The following PPP2R5C variants were observed in gnomAD, a reference collection of about 807,000 sequenced individuals.
PPP2R5C encodes the protein protein phosphatase 2 regulatory subunit B'gamma.
A neutral mutation model predicts 68.9 loss-of-function variants in PPP2R5C; 7 were observed. The observed-to-expected ratio is 0.10, with a 90% confidence interval of 0.06 to 0.19. The LOEUF is 0.19. Ranked by LOEUF, PPP2R5C falls within the 10% of genes least tolerant of loss-of-function variation. The pLI is 1.00. For synonymous variants in PPP2R5C, 210 were observed against 222.2 expected (o/e 0.95, Z 0.49); for missense variants, 348 against 641.3 (o/e 0.54, Z 4.94).
chr14:101,860,026 A>T (rs1042243769), intron 2 of PPP2R5C, among the ~76,000 whole-genome samples: 11 of 151,894 alleles, frequency 7.2e-5, no homozygotes, highest in African/African-American at 2.7e-4. Flanking sequence ...TTTTAAACAG[A>T]TCTACTGAGG....
At chr14:101,810,095 A>G (rs147838675) in intron 1 of PPP2R5C, 4 of 1,454,984 alleles carry the variant, frequency 2.7e-6, no homozygotes, top group African/African-American at 2.8e-5. Context: ...ATAAATGGCT[A>G]TTGTGCTTCA....
intron 8 of PPP2R5C, among the ~76,000 whole-genome samples, chr14:101,901,437 A>T (rs1412624408): frequency 1.3e-5 from 2 of 152,240 alleles, no homozygotes; most frequent in Admixed American, 1.3e-4. Flanking sequence ...AAAGAGGAGG[A>T]TCACTTGAGC....
intron 1 of PPP2R5C, among the ~76,000 whole-genome samples, chr14:101,812,769 A>G (rs2039441858): frequency 6.6e-6 from 1 of 152,228 alleles, no homozygotes; most frequent in African/African-American, 2.4e-5. Context: ...TGTGGATATG[A>G]GCAGGGGCTA....
chr14:101,830,929 C>T (rs890986076), intron 1 of PPP2R5C, among the ~76,000 whole-genome samples: 3 of 152,174 alleles, frequency 2.0e-5, no homozygotes, highest in African/African-American at 7.2e-5. Flanking sequence ...AGTAAGTTAC[C>T]GTCACGGCAG....
At chr14:101,813,495 GTC>G (rs2039485187) in intron 1 of PPP2R5C, among the ~76,000 whole-genome samples, 1 of 152,250 alleles carries the variant, frequency 6.6e-6, no homozygotes, top group Non-Finnish European at 1.5e-5. Context: ...CAGGCCTTCA[GTC>G]TAGTGCCTCC....
exon 14 of PPP2R5C, chr14:101,925,420 CG>C: frequency 7.5e-7 from 1 of 1,338,230 alleles, no homozygotes; most frequent in Non-Finnish European, 9.8e-7. Context: ...CGCCTCAGCG[CG>C]AGATTAGGAG....
chr14:101,913,204 A>G lies in PPP2R5C; in HGVS notation c.1326+731A>G, dbSNP rs1433853037. Among the ~76,000 whole-genome samples, 1 of 152,240 alleles carries G rather than the reference A, an allele frequency of 6.6e-6. No individual in the cohort carries two copies. Among genetic ancestry groups the G allele is most frequent in the East Asian group, 1.9e-4 (1 of 5,206 alleles). ...TATAACAGTGCCTCTTAAAAAGAAA[A>G]TCTTTTTCAGAAAATCTTTTGTCTG... On this transcript the variant is annotated intron_variant, in intron 12 of 13. Coordinates refer to ENST00000334743, the Ensembl canonical transcript of PPP2R5C. The surrounding 1 kb of genome is among the most constrained non-coding windows in gnomAD (Gnocchi z 4.1).
chr14:101,841,213 C>G (rs2041448687), intron 1 of PPP2R5C, among the ~76,000 whole-genome samples: 1 of 152,152 alleles, frequency 6.6e-6, no homozygotes, highest in Admixed American at 6.5e-5. Flanking sequence ...GGCTTTCTGC[C>G]TGAGTTCTTA....
Position 101,912,674 on chromosome 14 carries a change from G to T in PPP2R5C, c.1326+201G>T, listed in dbSNP as rs75669073. ...TTTTGCCCCATATCGTTTTACCACA[G>T]AATTGACTTTTTTCCTCTGCTTTTT... On this transcript the variant is annotated intron_variant, in intron 12 of 13. Transcript: ENST00000334743. The T allele has an allele frequency of 2.5e-3, 2,934 of 1,167,786 alleles. 3 individuals carry two copies. Among genetic ancestry groups the T allele is most frequent in the Admixed American group, 3.8e-3 (91 of 24,176 alleles). 72.3% of individuals were successfully genotyped at this position (1,167,786 alleles called of 1,614,324 possible). A position where few individuals can be genotyped will look rare whatever the true frequency, so the allele number is the denominator to read the frequency against.
At chr14:101,902,442 T>C (rs2045743468) in intron 9 of PPP2R5C, among the ~76,000 whole-genome samples, 1 of 152,232 alleles carries the variant, frequency 6.6e-6, no homozygotes, top group Non-Finnish European at 1.5e-5. Flanking sequence ...TCACCTCTTT[T>C]GAAGGCCACC....
intron 1 of PPP2R5C, among the ~76,000 whole-genome samples, chr14:101,854,545 A>G (rs1312757985): frequency 6.6e-6 from 1 of 152,208 alleles, no homozygotes; most frequent in Non-Finnish European, 1.5e-5. Flanking sequence ...AGAAACCTCA[A>G]CAGGAAGTTG....
chr14:101,859,120 A>G (rs2042608966), intron 2 of PPP2R5C, among the ~76,000 whole-genome samples: 2 of 152,302 alleles, frequency 1.3e-5, no homozygotes, highest in Admixed American at 6.5e-5. Flanking sequence ...AGCATCCATC[A>G]TGGGCCAGGC....
chr14:101,823,576 G>A (rs1566873095), intron 1 of PPP2R5C: 1 of 193,330 alleles, frequency 5.2e-6, no homozygotes, highest in African/African-American at 2.4e-5. Context: ...TCGCAAAAGG[G>A]TTCATTAACC....
chr14:101,802,665 G>A (rs1172573304), intron 3 of PPP2R5C, among the ~76,000 whole-genome samples: 1 of 151,968 alleles, frequency 6.6e-6, no homozygotes, highest in Non-Finnish European at 1.5e-5. Context: ...GCATTAAAGG[G>A]CCCAGTCAAC....
chr14:101,820,075 A>G (rs1181268035), intron 1 of PPP2R5C: 2 of 152,334 alleles, frequency 1.3e-5, no homozygotes, highest in East Asian at 3.9e-4. Flanking sequence ...AAATTATGAG[A>G]ATAGTAATGT....
intron 2 of PPP2R5C, among the ~76,000 whole-genome samples, chr14:101,870,534 A>G (rs935980113): frequency 2.6e-5 from 4 of 152,218 alleles, no homozygotes; most frequent in African/African-American, 4.8e-5. Context: ...CCAGTCTCAC[A>G]CTGTCTTCAG....
At chr14:101,785,519 C>G (rs916701080) in intron 2 of PPP2R5C, among the ~76,000 whole-genome samples, 1 of 152,186 alleles carries the variant, frequency 6.6e-6, no homozygotes, top group South Asian at 2.1e-4. Context: ...TCACATCTCT[C>G]TCTGACCCCT....
intron 2 of PPP2R5C, among the ~76,000 whole-genome samples, chr14:101,857,664 A>AT (rs2042503633): frequency 6.6e-6 from 1 of 152,236 alleles, no homozygotes; most frequent in Non-Finnish European, 1.5e-5. Context: ...ATTCAGTGCC[A>AT]TTACCAAAAT....
intron 1 of PPP2R5C, among the ~76,000 whole-genome samples, chr14:101,816,364 C>A (rs1419833353): frequency 1.3e-5 from 2 of 152,130 alleles, no homozygotes; most frequent in African/African-American, 4.8e-5. Flanking sequence ...TGGGGGAAAC[C>A]AGTACTCCCA....
Sources: gnomAD v4.1 joint callset for allele counts (sites outside exome capture counted in the v4.1 genomes callset) on GRCh38, gnomAD v4.1.1 for gene constraint, Gnocchi (gnomAD v3.1) non-coding constraint, MANE v1.5 for transcripts, NCBI Gene and HGNC (gene_info 2026-07-23, HGNC 2026-07-21) for gene names.